MAP2K5: variants seen among roughly 807,000 people sequenced by gnomAD.
MAP2K5 encodes dual specificity mitogen-activated protein kinase kinase 5.
Under a neutral mutation model 83.1 loss-of-function variants are expected in MAP2K5, and 49 were observed. The observed-to-expected ratio is 0.59, with a 90% CI of 0.47 to 0.75. The LOEUF is 0.75. Among genes scored for constraint, MAP2K5 ranks in the 30% least tolerant of loss-of-function variants. The probability of loss-of-function intolerance (pLI) is 0.00; values close to 1 mark genes in which losing one functional copy is unlikely to be tolerated. For missense variants in MAP2K5, 457 were observed against 557.5 expected (o/e 0.82, Z 1.82); for synonymous variants, 202 against 191.8 (o/e 1.05, Z -0.44).
intron 17 of MAP2K5, among the ~76,000 whole-genome samples, chr15:67,734,227 T>C (rs2089289405): frequency 6.6e-6 from 1 of 152,242 alleles, no homozygotes; most frequent in Non-Finnish European, 1.5e-5. Context: ...GATCCTTGTA[T>C]TAACATGATC....
At chr15:67,553,176 G>T (rs1019119184) in intron 2 of MAP2K5, among the ~76,000 whole-genome samples, 3 of 152,146 alleles carry the variant, frequency 2.0e-5, no homozygotes, top group African/African-American at 7.2e-5. Flanking sequence ...AATTATACCT[G>T]TGAGGAAACG....
At chr15:67,656,457 C>T (rs1052133661) in intron 11 of MAP2K5, among the ~76,000 whole-genome samples, 5 of 151,546 alleles carry the variant, frequency 3.3e-5, no homozygotes, top group East Asian at 3.9e-4. Context: ...CCTGAGTAGC[C>T]GGGACTACAG....
At chr15:67,716,389 G>T (rs978318692) in intron 16 of MAP2K5, among the ~76,000 whole-genome samples, 1 of 152,116 alleles carries the variant, frequency 6.6e-6, no homozygotes, top group Non-Finnish European at 1.5e-5. Flanking sequence ...AGGAGTAACT[G>T]AGTGGTATTG....
At chr15:67,585,496 C>A (rs2085269603) in intron 4 of MAP2K5, among the ~76,000 whole-genome samples, 1 of 152,134 alleles carries the variant, frequency 6.6e-6, no homozygotes, top group South Asian at 2.1e-4. Context: ...CCTTTTCTCA[C>A]CCCGCTTGCT....
Position 67,688,985 on chromosome 15 carries a change from G to A in MAP2K5, c.848-3494G>A, listed in dbSNP as rs143381618. On this transcript the variant is annotated intron_variant, in intron 13 of 21. Transcript: ENST00000178640. ...TATCAACCAGTGAGCAAGATACTGTGCTCGGAAGGGATACATTTAAAGATG... is the reference window on the plus strand; with the variant it reads ...TATCAACCAGTGAGCAAGATACTGTACTCGGAAGGGATACATTTAAAGATG... Among the ~76,000 whole-genome samples the A allele has an allele frequency of 2.8e-3, 434 of 152,310 alleles. 3 individuals are homozygous for A. Among genetic ancestry groups the A allele is most frequent in the Non-Finnish European group, 4.7e-3 (317 of 68,034 alleles).
chr15:67,763,725 T>C (rs2089994038), intron 19 of MAP2K5, among the ~76,000 whole-genome samples: 1 of 152,068 alleles, frequency 6.6e-6, no homozygotes, highest in African/African-American at 2.4e-5. Context: ...AGTTGTGTCA[T>C]AAAGATGCTA....
chr15:67,668,712 G>C lies in MAP2K5; in HGVS notation c.847+4067G>C, dbSNP rs1006463703. 6.6e-6 allele frequency among the ~76,000 whole-genome samples: 1 copy of C among 151,956 alleles called. No homozygotes were observed. Among genetic ancestry groups the C allele is most frequent in the African/African-American group, 2.4e-5 (1 of 41,380 alleles). On this transcript the variant is annotated intron_variant, in intron 13 of 21. Transcript: ENST00000178640. The surrounding 1 kb of genome is among the most constrained non-coding windows in gnomAD (Gnocchi z 4.0). ...GGTAGTAACTGCTGTCTCTTTCCCT[G>C]AGGATAAAAAATAGAAATGCAAGGG...
At chr15:67,560,309 A>G (rs576726684) in intron 2 of MAP2K5, among the ~76,000 whole-genome samples, 4 of 152,318 alleles carry the variant, frequency 2.6e-5, no homozygotes, top group Non-Finnish European at 5.9e-5. Flanking sequence ...TCTCATGGGT[A>G]TGGTTACTTT....
At chr15:67,553,359 G>A (rs1010084937) in intron 2 of MAP2K5, among the ~76,000 whole-genome samples, 2 of 152,188 alleles carry the variant, frequency 1.3e-5, no homozygotes, top group Admixed American at 6.5e-5. Flanking sequence ...TACGTTCTGT[G>A]ATATCATGCT....
At position 67,790,742 on chromosome 15, in the gene MAP2K5, A is replaced by C. The variant is rs1566965424; in HGVS notation, c.1243-15904A>C. Reference sequence around the variant, plus strand: ...AAAAACAAACAAACAAAAAAAAAAAAACCTGTGTCCTAATGTCTGCCACAC... The same window carrying C: ...AAAAACAAACAAACAAAAAAAAAAACACCTGTGTCCTAATGTCTGCCACAC... On this transcript the variant is annotated intron_variant, in intron 21 of 21. Coordinates refer to ENST00000178640, the MANE Select transcript of MAP2K5 (RefSeq NM_145160.3). The surrounding 1 kb of genome is among the most constrained non-coding windows in gnomAD (Gnocchi z 4.6). 6.6e-6 allele frequency among the ~76,000 whole-genome samples: 1 copy of C among 152,144 alleles called. No homozygotes were observed. The highest frequency in any genetic ancestry group is 6.5e-5 in the Admixed American group (1 of 15,276).
intron 13 of MAP2K5, among the ~76,000 whole-genome samples, chr15:67,680,386 A>G (rs1295845053): frequency 6.6e-6 from 1 of 152,222 alleles, no homozygotes; most frequent in African/African-American, 2.4e-5. Flanking sequence ...ATAGTTTATC[A>G]GGCCATCTAG....
chr15:67,608,678 G>A (rs1235674090), intron 8 of MAP2K5, among the ~76,000 whole-genome samples: 1 of 151,968 alleles, frequency 6.6e-6, no homozygotes, highest in African/African-American at 2.4e-5. Flanking sequence ...AAGATTAAAG[G>A]GCTCCATGAC....
Position 67,640,600 on chromosome 15 carries a change from A to G in MAP2K5, c.586-5631A>G, listed in dbSNP as rs1025159764. The G allele has an allele frequency of 6.1e-6, 6 of 985,282 alleles. No individual in the cohort carries two copies. The highest frequency in any genetic ancestry group is 7.2e-6 in the Non-Finnish European group (6 of 829,846). The allele number at this position is 985,282 out of a possible 1,614,324, so 61.0% of individuals were successfully genotyped here. A position where few individuals can be genotyped will look rare whatever the true frequency, so the allele number is the denominator to read the frequency against. On this transcript the variant is annotated intron_variant, in intron 9 of 21. Transcript: ENST00000178640. This position sits in a 1 kb window ranked among gnomAD's most constrained non-coding sequence, Gnocchi z 4.6. ...TGACGCCTGCATGGAATGATGAGGG[A>G]AATTTAATTTTCCAAGCAAAGTGGT...
chr15:67,665,228 C>T lies in MAP2K5; in HGVS notation c.847+583C>T, dbSNP rs996137689. ...TATTGGTGAAAGCATCAGGAATAGT[C>T]CCCTTGTCTAGTAACAGAACACATG... On this transcript the variant is annotated intron_variant, in intron 13 of 21. Transcript: ENST00000178640. The surrounding 1 kb of genome is among the most constrained non-coding windows in gnomAD (Gnocchi z 4.2). Among the ~76,000 whole-genome samples the T allele has an allele frequency of 2.0e-5, 3 of 152,140 alleles. No homozygotes were observed. In the East Asian group the frequency reaches 5.8e-4, roughly 29 times the overall value.
At position 67,703,386 on chromosome 15, in the gene MAP2K5, G is replaced by A. The variant is rs759983588; in HGVS notation, c.1022G>A (p.Ser341Asn). ...EQYGIHSDVW[S>N]LGISFMELAL... is the part of the protein sequence containing the mutation. ...TATGGAATTCATTCTGATGTCTGGA[G>A]CTTAGGAATCTCTTTTATGGAGGTA... Residue 341 changes from serine to asparagine, a missense_variant, in exon 16 of 22, where the codon AGC (serine) becomes AAC (asparagine). Ser to Asn is a conservative substitution (Grantham distance 46, BLOSUM62 1). Around this residue, in one of 3 missense-constraint regions of MAP2K5, gnomAD observed 168 missense variants for 263.0 expected, o/e 0.64. Coordinates refer to ENST00000178640, the MANE Select transcript of MAP2K5 (RefSeq NM_145160.3). 2 of 1,613,512 alleles carry A rather than the reference G, an allele frequency of 1.2e-6. No individual in the cohort carries two copies. Among genetic ancestry groups the A allele is most frequent in the East Asian group, 4.5e-5 (2 of 44,890 alleles).
Position 67,687,379 on chromosome 15 carries a change from A to G in MAP2K5, c.848-5100A>G, listed in dbSNP as rs188582509. 9.9e-5 allele frequency among the ~76,000 whole-genome samples: 15 copies of G among 152,242 alleles called. No homozygotes were observed. In the East Asian group the frequency reaches 1.9e-3, roughly 20 times the overall value. ...ACTTTCATTGTCTTTATTAAAAGAA[A>G]CATCCCTATTGTTCAGAAAGAAACC... On this transcript the variant is annotated intron_variant, in intron 13 of 21. Coordinates refer to ENST00000178640, the MANE Select transcript of MAP2K5 (RefSeq NM_145160.3).
At position 67,786,665 on chromosome 15, in the gene MAP2K5, G is replaced by T. The variant is rs542594167; in HGVS notation, c.1242+13913G>T. Among the ~76,000 whole-genome samples, 14 of 152,190 alleles carry T rather than the reference G, an allele frequency of 9.2e-5. No homozygotes were observed. The highest frequency in any genetic ancestry group is 1.9e-4 in the Non-Finnish European group (13 of 68,038). On this transcript the variant is annotated intron_variant, in intron 21 of 21. Transcript: ENST00000178640. The surrounding 1 kb of genome is among the most constrained non-coding windows in gnomAD (Gnocchi z 4.7). ...GAACTTGGAAAGTGGTGGTACAACA[G>T]AAAGCCAGCTTCTCCCCTCCCTCTC...
chr15:67,543,282 A>G lies in MAP2K5; in HGVS notation c.-54A>G. 1.2e-6 allele frequency: 2 copies of G among 1,607,758 alleles called. No homozygotes were observed. The highest frequency in any genetic ancestry group is 1.7e-6 in the Non-Finnish European group (2 of 1,175,130). On this transcript the variant is annotated 5_prime_UTR_variant, in exon 1 of 22. Coordinates refer to ENST00000178640, the MANE Select transcript of MAP2K5 (RefSeq NM_145160.3). The surrounding 1 kb of genome is among the most constrained non-coding windows in gnomAD (Gnocchi z 4.3). ...TGTCACCTCTTGGAGCCCCCTCCTAACCAGCGGCCAGTGGGTTTCCCATAC... is the reference window on the plus strand; with the variant it reads ...TGTCACCTCTTGGAGCCCCCTCCTAGCCAGCGGCCAGTGGGTTTCCCATAC...
At position 67,780,509 on chromosome 15, in the gene MAP2K5, C is replaced by T. The variant is rs188729483; in HGVS notation, c.1242+7757C>T. ...AAACACTGTGCAGATAAAGTAGACA[C>T]TAAACAGATAGACAAACAAGACATG... On this transcript the variant is annotated intron_variant, in intron 21 of 21. Coordinates refer to ENST00000178640, the MANE Select transcript of MAP2K5 (RefSeq NM_145160.3). This position sits in a 1 kb window ranked among gnomAD's most constrained non-coding sequence, Gnocchi z 5.0. Among the ~76,000 whole-genome samples the T allele has an allele frequency of 1.0e-3, 153 of 152,238 alleles. No homozygotes were observed. The highest frequency in any genetic ancestry group is 3.6e-3 in the African/African-American group (149 of 41,546).
Sources: allele counts gnomAD v4.1 joint callset (sites outside exome capture counted in the v4.1 genomes callset), GRCh38; gene constraint gnomAD v4.1.1; regional missense constraint gnomAD v4.1.1; non-coding constraint Gnocchi (gnomAD v3.1); transcripts MANE v1.5; gene names NCBI Gene and HGNC (gene_info 2026-07-23, HGNC 2026-07-21).